Variants in DGKZ observed in about 807,000 individuals in gnomAD.
DGKZ encodes the protein diacylglycerol kinase zeta, also known as DAG kinase zeta.
A neutral mutation model predicts 142.5 loss-of-function variants in DGKZ; 45 were observed. The ratio of observed to expected loss-of-function variants is 0.32; its 90% confidence interval spans 0.25 to 0.40. The LOEUF is 0.40. Ranked by LOEUF, DGKZ falls within the 10% of genes least tolerant of loss-of-function variation. DGKZ has a pLI of 1.00. For synonymous variants in DGKZ, 442 were observed against 527.0 expected, an observed-to-expected ratio of 0.84 and a Z score of 2.21; for missense variants, 755 against 1,306.5, an observed-to-expected ratio of 0.58 and a Z score of 6.51.
chr11:46,361,770 G>A (rs1942679390), intron 1 of DGKZ: 3 of 770,398 alleles, frequency 3.9e-6, no homozygotes, highest in South Asian at 5.9e-5. Flanking sequence ...GGCTGGGTGG[G>A]TGCGGGGAGG....
chr11:46,366,574 A>C (rs758452458), intron 1 of DGKZ: 1 of 1,606,070 alleles, frequency 6.2e-7, no homozygotes, highest in South Asian at 1.1e-5. Flanking sequence ...TTCTGGGTGC[A>C]CCCCTGCTGT....
rs765883531 is a variant in DGKZ at position 46,367,767 on chromosome 11, C to T, written c.366+20C>T. 6.4e-5 allele frequency: 103 copies of T among 1,611,854 alleles called. No homozygotes were observed. In the Admixed American group the frequency reaches 1.7e-3, roughly 27 times the overall value. On this transcript the variant is annotated intron_variant, in intron 3 of 30. Coordinates refer to ENST00000527911, the Ensembl canonical transcript of DGKZ. This position sits in a 1 kb window ranked among gnomAD's most constrained non-coding sequence, Gnocchi z 4.1. ...ATGCTGGTGAGTGCTCGTAGGGGCA[C>T]GCCGCCCCCTGCTGGTGGAGCCAGT... is the stretch of plus-strand genomic sequence containing the variant.
exon 14 of DGKZ, chr11:46,373,007 A>G: frequency 1.9e-6 from 3 of 1,538,464 alleles, no homozygotes; most frequent in Non-Finnish European, 2.6e-6. Context: ...CACGTGGAGG[A>G]GGGGAACGTG....
At chr11:46,343,133 CA>C (rs1025501428), upstream of DGKZ, among the ~76,000 whole-genome samples, 6 of 146,976 alleles carry the variant, frequency 4.1e-5, no homozygotes, top group Non-Finnish European at 7.5e-5. Context: ...CAAAAAAAAA[CA>C]AAAAAAAAGC....
chr11:46,354,207 C>T (rs1941739103), intron 1 of DGKZ, among the ~76,000 whole-genome samples: 1 of 152,178 alleles, frequency 6.6e-6, no homozygotes, highest in South Asian at 2.1e-4. Context: ...TTTTGTAGGA[C>T]ACAGGATCTC....
intron 1 of DGKZ, among the ~76,000 whole-genome samples, chr11:46,351,194 T>C (rs1162218207): frequency 2.0e-5 from 3 of 152,118 alleles, no homozygotes; most frequent in Non-Finnish European, 4.4e-5. Flanking sequence ...AGCCTGATCC[T>C]GGCAGGTCAC....
chr11:46,376,669 C>A, intron 24 of DGKZ, 105 bp downstream of exon 24: 1 of 1,441,348 alleles, frequency 6.9e-7, no homozygotes, highest in Non-Finnish European at 9.6e-7. Context: ...TCACCTCTGT[C>A]CTCATGCCTC....
chr11:46,370,446 G>A (rs532916851), intron 6 of DGKZ, among the ~76,000 whole-genome samples: 32 of 152,306 alleles, frequency 2.1e-4, no homozygotes, highest in African/African-American at 5.5e-4. Context: ...CTTCTTGCCC[G>A]CCTCCCTCAG....
intron 1 of DGKZ, among the ~76,000 whole-genome samples, chr11:46,358,064 C>G (rs1289223186): frequency 1.3e-5 from 2 of 152,176 alleles, no homozygotes; most frequent in African/African-American, 4.8e-5. Context: ...TGGGGGTGCC[C>G]TGACCCATTT....
intron 1 of DGKZ, chr11:46,364,980 C>A: frequency 2.0e-6 from 2 of 985,468 alleles, no homozygotes; most frequent in Non-Finnish European, 2.4e-6. Flanking sequence ...CAGGTGGCCT[C>A]AGGTACCTGG....
intron 28 of DGKZ, 35 bp downstream of exon 28, chr11:46,379,146 A>G (rs1398893599): frequency 1.2e-6 from 2 of 1,611,602 alleles, no homozygotes; most frequent in South Asian, 1.1e-5. Flanking sequence ...GCCTGGGGCC[A>G]AGGTGGGAGG....
chr11:46,356,619 G>A (rs1008603032), intron 1 of DGKZ, among the ~76,000 whole-genome samples: 4 of 152,116 alleles, frequency 2.6e-5, no homozygotes, highest in Non-Finnish European at 4.4e-5. Flanking sequence ...CGGATGCCAC[G>A]TGGTGCCACG....
At position 46,378,977 on chromosome 11, in the gene DGKZ, C is replaced by A; in HGVS notation, c.2419-14C>A. ...CCCCAGGAGGTCCAGCCCTGCCATG[C>A]CTCCTGCCCTCAGCTCCAGGAGCTG... On this transcript the variant is annotated splice_polypyrimidine_tract_variant and intron_variant, in intron 27 of 30. Coordinates refer to ENST00000527911, the Ensembl canonical transcript of DGKZ. The A allele has an allele frequency of 6.6e-7, 1 of 1,523,416 alleles. No individual in the cohort carries two copies. 94.4% of individuals were successfully genotyped at this position (1,523,416 alleles called of 1,614,324 possible). A position where few individuals can be genotyped will look rare whatever the true frequency, so the allele number is the denominator to read the frequency against.
At chr11:46,370,078 G>A in intron 6 of DGKZ, 69 bp downstream of exon 6, 2 of 1,591,412 alleles carry the variant, frequency 1.3e-6, no homozygotes, top group Admixed American at 1.7e-5. Context: ...TGTGGCCGGT[G>A]TGGCCTGCCG....
At chr11:46,380,097 G>C in exon 31 of DGKZ, 1 of 810,836 alleles carries the variant, frequency 1.2e-6, no homozygotes, top group East Asian at 2.7e-5. Flanking sequence ...GAGCCGCCCA[G>C]ACCTAGGGCT....
chr11:46,355,622 C>A (rs1941928651), intron 1 of DGKZ, among the ~76,000 whole-genome samples: 1 of 152,080 alleles, frequency 6.6e-6, no homozygotes, highest in Non-Finnish European at 1.5e-5. Context: ...GAAGCTAAAC[C>A]TACTGTGAAG....
intron 14 of DGKZ, among the ~76,000 whole-genome samples, chr11:46,373,500 T>TG (rs1554957788): frequency 6.8e-6 from 1 of 148,124 alleles, no homozygotes; most frequent in African/African-American, 2.5e-5. Context: ...TTTTTTTTGT[T>TG]TTTGTTTTTT....
chr11:46,366,881 G>A lies in DGKZ; in HGVS notation c.162-410G>A, dbSNP rs1194948473. ...GGGCCGAAGAGCCTCAGGCACCACCGCCGGCACCATGCTGCCCACCCGTGT... is the reference window on the plus strand; with the variant it reads ...GGGCCGAAGAGCCTCAGGCACCACCACCGGCACCATGCTGCCCACCCGTGT... On this transcript the variant is annotated intron_variant, in intron 1 of 30. Transcript: ENST00000527911. 1.9e-6 allele frequency: 3 copies of A among 1,548,730 alleles called. No homozygotes were observed. Among genetic ancestry groups the A allele is most frequent in the East Asian group, 2.4e-5 (1 of 41,878 alleles).
chr11:46,343,216 T>C (rs1388866655), upstream of DGKZ, among the ~76,000 whole-genome samples: 2 of 152,202 alleles, frequency 1.3e-5, no homozygotes, highest in Non-Finnish European at 2.9e-5. Context: ...ACGTTACATA[T>C]TCAGTAAGAT....
Sources: gnomAD v4.1 joint callset for allele counts (sites outside exome capture counted in the v4.1 genomes callset) on GRCh38, gnomAD v4.1.1 for gene constraint, Gnocchi (gnomAD v3.1) non-coding constraint, MANE v1.5 for transcripts, NCBI Gene and HGNC (gene_info 2026-07-23, HGNC 2026-07-21) for gene names.